The following ATP6V1H variants were observed in gnomAD, a reference collection of about 807,000 sequenced individuals.
The protein encoded by ATP6V1H is V-type proton ATPase subunit H.
Under a neutral mutation model 71.7 loss-of-function variants are expected in ATP6V1H, and 39 were observed. The observed-to-expected ratio is 0.54, with a 90% confidence interval of 0.42 to 0.71. The LOEUF (loss-of-function observed/expected upper bound fraction) is 0.71. ATP6V1H is among the 30% of genes least tolerant of loss of function. The pLI, the probability that ATP6V1H is intolerant of heterozygous loss-of-function variation, is 0.00. For synonymous variants in ATP6V1H, 192 were observed against 199.3 expected, an observed-to-expected ratio of 0.96 and a Z score of 0.31; for missense variants, 509 against 594.9, an observed-to-expected ratio of 0.86 and a Z score of 1.50.
At chr8:53,817,807 T>C (rs556444248) in intron 4 of ATP6V1H, among the ~76,000 whole-genome samples, 2 of 152,236 alleles carry the variant, frequency 1.3e-5, no homozygotes, top group African/African-American at 2.4e-5. Context: ...TCTGACCTGC[T>C]ACTCCCAATG....
intron 9 of ATP6V1H, among the ~76,000 whole-genome samples, chr8:53,785,690 T>C (rs1809355194): frequency 6.6e-6 from 1 of 152,208 alleles, no homozygotes; most frequent in South Asian, 2.1e-4. Context: ...TGGTCTTTGA[T>C]GATGGTGACA....
intron 12 of ATP6V1H, among the ~76,000 whole-genome samples, chr8:53,755,687 TATATATATATATATA>T (rs1807992104): frequency 0.049 from 147 of 3,020 alleles, 10 homozygotes; most frequent in African/African-American, 0.065. Flanking sequence ...CCAGCGTACA[TATATATATATATATA>T]TATATATATA....
intron 9 of ATP6V1H, among the ~76,000 whole-genome samples, chr8:53,782,670 C>T (rs1166300174): frequency 1.3e-5 from 2 of 152,140 alleles, no homozygotes; most frequent in African/African-American, 2.4e-5. Flanking sequence ...ATGATATTGG[C>T]TGTGGGTTTC....
At chr8:53,833,285 T>C in intron 2 of ATP6V1H, 199 bp from the exon 3 acceptor site, 1 of 521,524 alleles carries the variant, frequency 1.9e-6, no homozygotes, top group Non-Finnish European at 3.4e-6. Context: ...GAACCTGAGT[T>C]AATTTATCTG....
chr8:53,822,844 T>C (rs2128148), intron 4 of ATP6V1H, among the ~76,000 whole-genome samples: 5 of 152,152 alleles, frequency 3.3e-5, no homozygotes, highest in East Asian at 3.8e-4. Context: ...TGAGTTGCTA[T>C]ACCAGTATTA....
intron 11 of ATP6V1H, among the ~76,000 whole-genome samples, chr8:53,757,808 T>G (rs558422329): frequency 1.6e-4 from 25 of 152,330 alleles, no homozygotes; most frequent in African/African-American, 4.6e-4. Flanking sequence ...CTGTTCTTCA[T>G]AGTACTAATC....
chr8:53,812,709 T>G (rs1170895059), intron 6 of ATP6V1H, among the ~76,000 whole-genome samples: 1 of 152,220 alleles, frequency 6.6e-6, no homozygotes, highest in Non-Finnish European at 1.5e-5. Flanking sequence ...TTTTTGTTTT[T>G]TGAGACAAGA....
intron 9 of ATP6V1H, among the ~76,000 whole-genome samples, chr8:53,786,245 C>T (rs1255491882): frequency 6.6e-6 from 1 of 152,216 alleles, no homozygotes; most frequent in Non-Finnish European, 1.5e-5. Flanking sequence ...TGGCGGGCAC[C>T]CCTCCCCCAG....
chr8:53,811,258 A>G (rs368484960), intron 6 of ATP6V1H, 41 bp from the exon 7 acceptor site: 1 of 1,571,396 alleles, frequency 6.4e-7, no homozygotes, highest in Non-Finnish European at 8.8e-7. Flanking sequence ...TTTTGTTTTG[A>G]TTTTATCCTA....
chr8:53,757,973 G>A (rs369490015), intron 11 of ATP6V1H, among the ~76,000 whole-genome samples: 26 of 152,314 alleles, frequency 1.7e-4, no homozygotes, highest in South Asian at 1.2e-3. Flanking sequence ...CCTAGGCACC[G>A]GAAGAGACTA....
chr8:53,749,017 G>T (rs969711183), intron 12 of ATP6V1H, among the ~76,000 whole-genome samples: 6 of 152,214 alleles, frequency 3.9e-5, no homozygotes, highest in Admixed American at 2.0e-4. Flanking sequence ...CTTTCCTTCA[G>T]CAAGTATTAT....
Position 53,843,090 on chromosome 8 carries a change from G to C in ATP6V1H, c.-92C>G, listed in dbSNP as rs1456665400. On this transcript the variant is annotated 5_prime_UTR_variant, in exon 1 of 14. Transcript: ENST00000359530. ...CAAAGCCGGCAGGGAGGGTGGTCCGGGGCGCCGGGGACACAGCCGGGCTGG... is the reference window on the plus strand; with the variant it reads ...CAAAGCCGGCAGGGAGGGTGGTCCGCGGCGCCGGGGACACAGCCGGGCTGG... The C allele has an allele frequency of 6.6e-6, 1 of 152,496 alleles. No individual in the cohort carries two copies. Among genetic ancestry groups the C allele is most frequent in the Non-Finnish European group, 1.5e-5 (1 of 68,302 alleles). 9.4% of individuals were successfully genotyped at this position (152,496 alleles called of 1,614,324 possible).
intron 13 of ATP6V1H, among the ~76,000 whole-genome samples, chr8:53,718,702 T>C (rs1013679003): frequency 2.6e-5 from 4 of 152,162 alleles, no homozygotes; most frequent in Non-Finnish European, 4.4e-5. Context: ...CTCACTCTCG[T>C]TTATTCGTAC....
Position 53,829,330 on chromosome 8 carries a change from T to C in ATP6V1H, c.306+114A>G, listed in dbSNP as rs1810920989. The stretch of plus-strand genomic sequence containing the variant: ...CCACATAAATGAGAAAAATATATTA[T>C]TATGCTCTAGAAGAGAACAAATGTT... On this transcript the variant is annotated intron_variant, in intron 4 of 13. Transcript: ENST00000359530. 4.5e-6 allele frequency: 3 copies of C among 672,350 alleles called. No individual in the cohort carries two copies. The Admixed American group carries it at 8.9e-5, about 20-fold the overall frequency. 41.6% of individuals were successfully genotyped at this position (672,350 alleles called of 1,614,324 possible). A position where few individuals can be genotyped will look rare whatever the true frequency, so the allele number is the denominator to read the frequency against.
intron 9 of ATP6V1H, among the ~76,000 whole-genome samples, chr8:53,783,355 G>A (rs1012377190): frequency 6.6e-6 from 1 of 152,056 alleles, no homozygotes; most frequent in Non-Finnish European, 1.5e-5. Flanking sequence ...ATTCTCTGAT[G>A]GTAGTTTGTA....
intron 9 of ATP6V1H, among the ~76,000 whole-genome samples, chr8:53,775,200 G>C (rs1030867867): frequency 3.3e-5 from 5 of 151,934 alleles, no homozygotes; most frequent in Non-Finnish European, 5.9e-5. Context: ...GGAGTTGTTC[G>C]TTCCTCCCGG....
chr8:53,815,955 C>T (rs941321318), intron 5 of ATP6V1H, among the ~76,000 whole-genome samples: 1 of 152,156 alleles, frequency 6.6e-6, no homozygotes, highest in Non-Finnish European at 1.5e-5. Context: ...AATAATGAAC[C>T]ATTTCCTAAG....
chr8:53,830,596 G>T (rs1193302620), intron 3 of ATP6V1H, among the ~76,000 whole-genome samples: 1 of 151,962 alleles, frequency 6.6e-6, no homozygotes, highest in African/African-American at 2.4e-5. Context: ...ATTTCTGTCA[G>T]AACTCTTTTT....
At chr8:53,787,497 A>G (rs1274420394) in intron 9 of ATP6V1H, among the ~76,000 whole-genome samples, 1 of 151,912 alleles carries the variant, frequency 6.6e-6, no homozygotes, top group Non-Finnish European at 1.5e-5. Flanking sequence ...TGAATTAAAC[A>G]TCATGATTAA....
Sources: gnomAD v4.1 joint callset for allele counts (sites outside exome capture counted in the v4.1 genomes callset) on GRCh38, gnomAD v4.1.1 for gene constraint, MANE v1.5 for transcripts, NCBI Gene and HGNC (gene_info 2026-07-23, HGNC 2026-07-21) for gene names.